The following HOXB3 variants were observed in gnomAD, a reference collection of about 807,000 sequenced individuals.
The protein encoded by HOXB3 is homeobox B3, also known as homeobox protein Hox-B3.
Under a neutral mutation model 29.2 loss-of-function variants are expected in HOXB3, and 17 were observed. That is an observed-to-expected ratio of 0.58 (90% confidence interval 0.40 to 0.87). HOXB3 has a LOEUF of 0.87. Ranked by LOEUF, HOXB3 falls within the 40% of genes least tolerant of loss-of-function variation. HOXB3 has a pLI of 0.00. For missense variants in HOXB3, 637 were observed against 616.3 expected (o/e 1.03, Z -0.35); for synonymous variants, 317 against 285.9 (o/e 1.11, Z -1.10).
chr17:48,574,229 T>C, intron 1 of HOXB3: 1 of 193,498 alleles, frequency 5.2e-6, no homozygotes, highest in Non-Finnish European at 1.1e-5. Context: ...TAGGGGGGCA[T>C]ATGCTTTTTA....
chr17:48,580,111 C>T, intron 1 of HOXB3: 1 of 333,468 alleles, frequency 3.0e-6, no homozygotes, highest in Non-Finnish European at 5.9e-6. Flanking sequence ...TTTCAATTCT[C>T]CTCTTCTATT....
At chr17:48,587,960 G>A (rs1408867616) in intron 1 of HOXB3, among the ~76,000 whole-genome samples, 1 of 152,236 alleles carries the variant, frequency 6.6e-6, no homozygotes, top group African/African-American at 2.4e-5. Context: ...GTACCGGCTT[G>A]GCTTATAGCT....
chr17:48,583,587 C>CA (rs1231002559), intron 1 of HOXB3, among the ~76,000 whole-genome samples: 1 of 152,174 alleles, frequency 6.6e-6, no homozygotes, highest in Non-Finnish European at 1.5e-5. Context: ...ACGGAGAGGT[C>CA]AAGAAAGAAC....
At position 48,550,537 on chromosome 17, in the gene HOXB3, G is replaced by A. The variant is rs1025393115; in HGVS notation, c.1093C>T (p.Pro365Ser). 1 of 1,542,700 alleles carries A rather than the reference G, an allele frequency of 6.5e-7. No individual in the cohort carries two copies. The highest frequency in any genetic ancestry group is 8.7e-7 in the Non-Finnish European group (1 of 1,155,480). ...GGGYADPLPP[P>S]AGPSLYGLNH... ...AGGCCATAGAGGGAGGGGCCGGCAGGGGGCGGCAGCGGATCCGCGTAGCCG... is the reference window on the plus strand; with the variant it reads ...AGGCCATAGAGGGAGGGGCCGGCAGAGGGCGGCAGCGGATCCGCGTAGCCG... Residue 365 changes from proline (P) to serine (S), a missense_variant, in exon 5 of 5, where the codon CCT becomes TCT. Pro to Ser is a moderately conservative substitution (Grantham distance 74). Transcript: ENST00000498678.
In HOXB3 at chr17:48,550,677, G is replaced by A. The variant is rs776530549; in HGVS notation, c.953C>T (p.Pro318Leu). The change falls in exon 5 of 5, where the codon CCG (proline) becomes CTG (leucine). Residue 318 changes from proline to leucine, a missense_variant. Transcript: ENST00000498678. The part of the protein sequence containing the change: ...YQPPLKGCGA[P>L]QKYPPTPAPE... ...CGCCGGGGTCGGAGGGTACTTCTGCGGGGCGCCGCAGCCTTTGAGAGGGGG... is the reference window on the plus strand; with the variant it reads ...CGCCGGGGTCGGAGGGTACTTCTGCAGGGCGCCGCAGCCTTTGAGAGGGGG... 1 of 1,529,160 alleles carries A rather than the reference G, an allele frequency of 6.5e-7. No homozygotes were observed. 94.7% of individuals were successfully genotyped at this position (1,529,160 alleles called of 1,614,324 possible). A position where few individuals can be genotyped will look rare whatever the true frequency, so the allele number is the denominator to read the frequency against.
chr17:48,561,227 C>CACACACACACACACACACAA (rs3222951), intron 2 of HOXB3, among the ~76,000 whole-genome samples: 1 of 148,316 alleles, frequency 6.7e-6, no homozygotes, highest in Non-Finnish European at 1.5e-5. Flanking sequence ...CACACACACA[C>CACACACACACACACACACAA]TGAACAATGA....
At position 48,550,135 on chromosome 17, in the gene HOXB3, G is replaced by C; in HGVS notation, c.*199C>G. The C allele has an allele frequency of 3.2e-6, 2 of 630,554 alleles. No homozygotes were observed. Among genetic ancestry groups the C allele is most frequent in the Non-Finnish European group, 2.7e-6 (1 of 368,462 alleles). The allele number at this position is 630,554 out of a possible 1,614,324, so 39.1% of individuals were successfully genotyped here. A position where few individuals can be genotyped will look rare whatever the true frequency, so the allele number is the denominator to read the frequency against. On this transcript the variant is annotated 3_prime_UTR_variant, in exon 5 of 5. Transcript: ENST00000498678. ...TGGATTCCTTTCCGATGGGTTGGCA[G>C]GCAGATGGAACAAGGGGTGGAAGAC...
chr17:48,577,516 T>G (rs986836383), intron 1 of HOXB3, among the ~76,000 whole-genome samples: 1 of 152,206 alleles, frequency 6.6e-6, no homozygotes, highest in Non-Finnish European at 1.5e-5. Flanking sequence ...ACTCTCTGCT[T>G]AAATACGGAT....
chr17:48,578,304 A>G (rs1216688406), intron 1 of HOXB3: 1 of 1,610,532 alleles, frequency 6.2e-7, no homozygotes, highest in Admixed American at 1.7e-5. Context: ...TTGATCAAAA[A>G]AGAACTCATA....
rs1032105862 is a variant in HOXB3, at chr17:48,552,464, G to A, written c.11C>T (p.Ala4Val). 8 of 1,567,568 alleles carry A rather than the reference G, an allele frequency of 5.1e-6. No individual in the cohort carries two copies. Among genetic ancestry groups the A allele is most frequent in the Non-Finnish European group, 6.9e-6 (8 of 1,153,416 alleles). Residue 4 changes from alanine to valine, a missense_variant, in exon 4 of 5, where the codon GCC (alanine) becomes GTC (valine). Transcript: ENST00000498678. MQKATYYDNAAAAL... is the reference protein window; with the variant it reads MQKVTYYDNAAAAL... Reference sequence around the variant, plus strand: ...AGCCGCGGCGTTGTCGTAGTAGGTGGCTTTCTGCATCGCTGGGTGAGGCCT... The same window carrying A: ...AGCCGCGGCGTTGTCGTAGTAGGTGACTTTCTGCATCGCTGGGTGAGGCCT...
chr17:48,586,417 C>CCA (rs1159277384), intron 1 of HOXB3, among the ~76,000 whole-genome samples: 4 of 152,046 alleles, frequency 2.6e-5, no homozygotes, highest in African/African-American at 9.7e-5. Context: ...TGCCGGCGTG[C>CCA]CCCCACCCCC....
At chr17:48,577,067 C>A (rs370288251) in intron 1 of HOXB3, 103 of 1,500,764 alleles carry the variant, frequency 6.9e-5, no homozygotes, top group South Asian at 1.8e-4. Context: ...TTATTGCCCC[C>A]GAAAGAGAGA....
chr17:48,583,544 C>T (rs566968519), intron 1 of HOXB3, among the ~76,000 whole-genome samples: 56 of 152,280 alleles, frequency 3.7e-4, no homozygotes, highest in African/African-American at 1.1e-3. Flanking sequence ...AAACAGGGCT[C>T]CAGCCTAGTT....
chr17:48,584,693 G>T (rs1229997294), intron 1 of HOXB3, among the ~76,000 whole-genome samples: 2 of 152,118 alleles, frequency 1.3e-5, no homozygotes, highest in South Asian at 2.1e-4. Context: ...TGCTCAGAGG[G>T]TTCACCACAC....
chr17:48,555,658 C>T (rs1287800413), intron 2 of HOXB3, 40 bp from the exon 3 acceptor site: 2 of 699,058 alleles, frequency 2.9e-6, no homozygotes, highest in African/African-American at 3.5e-5. Flanking sequence ...TTTAAAGCTG[C>T]GTCGCCCCCC....
At chr17:48,569,070 CT>C (rs1029349093) in intron 2 of HOXB3, among the ~76,000 whole-genome samples, 5 of 150,124 alleles carry the variant, frequency 3.3e-5, no homozygotes, top group East Asian at 2.0e-4. Flanking sequence ...TCCCCCCTCT[CT>C]TTTTTTTTCT....
At chr17:48,568,037 C>A (rs1481078911) in intron 2 of HOXB3, among the ~76,000 whole-genome samples, 1 of 152,192 alleles carries the variant, frequency 6.6e-6, no homozygotes, top group South Asian at 2.1e-4. Context: ...GTAACGGAAC[C>A]CCTCCCATCC....
At chr17:48,575,195 A>T (rs2069720340) in intron 1 of HOXB3, 1 of 152,348 alleles carries the variant, frequency 6.6e-6, no homozygotes. Context: ...TGCCGTACTT[A>T]AGCCTCTTGT....
chr17:48,556,732 G>C (rs1040574824), intron 2 of HOXB3: 1 of 152,164 alleles, frequency 6.6e-6, no homozygotes, highest in Non-Finnish European at 1.5e-5. Flanking sequence ...CAGTAGACGG[G>C]CTGAAAGAAC....
Sources: allele counts gnomAD v4.1 joint callset (sites outside exome capture counted in the v4.1 genomes callset), GRCh38; gene constraint gnomAD v4.1.1; transcripts MANE v1.5; gene names NCBI Gene and HGNC (gene_info 2026-07-23, HGNC 2026-07-21).